Variants in BRD10 observed in about 807,000 individuals in gnomAD.
BRD10 encodes uncharacterized bromodomain-containing protein 10.
chr9:5,979,090 T>C, the BRD10 span, among the ~76,000 whole-genome samples: 1 of 152,224 alleles, frequency 6.6e-6, no homozygotes, highest in Non-Finnish European at 1.5e-5. Context: ...AATCACTTAA[T>C]TATAAAGTCA....
At chr9:5,885,381 C>T in the BRD10 span, among the ~76,000 whole-genome samples, 3 of 147,666 alleles carry the variant, frequency 2.0e-5, no homozygotes, top group Admixed American at 2.0e-4. Flanking sequence ...TATGTTATCT[C>T]TTTTTTTTTT....
chr9:5,964,773 G>C, the BRD10 span, among the ~76,000 whole-genome samples: 202 of 106,674 alleles, frequency 1.9e-3, no homozygotes, highest in South Asian at 2.3e-3. Flanking sequence ...GGATGAAATT[G>C]GAAATCATCA....
the BRD10 span, among the ~76,000 whole-genome samples, chr9:5,943,560 A>G: frequency 6.6e-6 from 1 of 151,422 alleles, no homozygotes; most frequent in Non-Finnish European, 1.5e-5. Context: ...AAAAAAAAAA[A>G]CCCTCTGGCT....
At chr9:5,898,809 T>A in the BRD10 span, 1 of 152,164 alleles carries the variant, frequency 6.6e-6, no homozygotes, top group East Asian at 1.9e-4. Flanking sequence ...ACACTAAGCA[T>A]CCCAGGATAT....
chr9:5,951,708 C>A, the BRD10 span, among the ~76,000 whole-genome samples: 2 of 152,250 alleles, frequency 1.3e-5, no homozygotes, highest in South Asian at 2.1e-4. Context: ...AAGTAACACA[C>A]TACATAAAAT....
At chr9:5,928,656 T>C in the BRD10 span, among the ~76,000 whole-genome samples, 1 of 152,154 alleles carries the variant, frequency 6.6e-6, no homozygotes, top group African/African-American at 2.4e-5. Flanking sequence ...AGAGCTCCCT[T>C]CCTCATTTCT....
chr9:5,921,092 T>C, the BRD10 span: 3 of 1,613,910 alleles, frequency 1.9e-6, no homozygotes, highest in Non-Finnish European at 2.5e-6. Flanking sequence ...AGGGGTAATA[T>C]TCTGACTCAC....
At chr9:5,965,754 AC>A in the BRD10 span, among the ~76,000 whole-genome samples, 1 of 152,206 alleles carries the variant, frequency 6.6e-6, no homozygotes, top group African/African-American at 2.4e-5. Context: ...TATTTTCCAA[AC>A]CTATGATGAT....
At chr9:5,897,364 A>C in the BRD10 span, among the ~76,000 whole-genome samples, 2 of 152,186 alleles carry the variant, frequency 1.3e-5, no homozygotes, top group South Asian at 4.1e-4. Context: ...GAGGCTCCTA[A>C]AGACCTGGGT....
At chr9:5,899,195 CA>C in the BRD10 span, 2 of 152,078 alleles carry the variant, frequency 1.3e-5, no homozygotes, top group African/African-American at 4.8e-5. Flanking sequence ...AGTATCTTTC[CA>C]AAAGATGTTG....
chr9:5,990,420 A>C, the BRD10 span, among the ~76,000 whole-genome samples: 1 of 152,340 alleles, frequency 6.6e-6, no homozygotes, highest in South Asian at 2.1e-4. Flanking sequence ...AAAATTCAGT[A>C]AGTACACAGA....
the BRD10 span, among the ~76,000 whole-genome samples, chr9:5,978,396 A>C: frequency 6.6e-6 from 1 of 151,520 alleles, no homozygotes; most frequent in Non-Finnish European, 1.5e-5. Context: ...ATTTAGTAAA[A>C]AAAAAAAAAA....
the BRD10 span, among the ~76,000 whole-genome samples, chr9:5,958,963 T>C: frequency 3.9e-5 from 6 of 152,194 alleles, no homozygotes; most frequent in Non-Finnish European, 7.4e-5. Context: ...AGTAAGCAAT[T>C]TGACCTTAAC....
chr9:5,918,051 T>C, the BRD10 span, among the ~76,000 whole-genome samples: 3 of 152,224 alleles, frequency 2.0e-5, no homozygotes, highest in Admixed American at 1.3e-4. Context: ...CAATGCGCAA[T>C]GCAATGCACT....
the BRD10 span, among the ~76,000 whole-genome samples, chr9:5,960,427 T>C: frequency 6.6e-6 from 1 of 152,168 alleles, no homozygotes; most frequent in East Asian, 1.9e-4. Flanking sequence ...CCGGACATGG[T>C]GGCACATGCC....
chr9:5,880,052 T>C, the BRD10 span, among the ~76,000 whole-genome samples: 1 of 151,388 alleles, frequency 6.6e-6, no homozygotes, highest in Non-Finnish European at 1.5e-5. Context: ...CCCAAGTAGC[T>C]GGGATTACAG....
the BRD10 span, among the ~76,000 whole-genome samples, chr9:5,935,687 G>A: frequency 6.6e-6 from 1 of 152,132 alleles, no homozygotes; most frequent in Non-Finnish European, 1.5e-5. Context: ...ATGTTTATTT[G>A]GCATAAGAGG....
At chr9:5,987,153 C>G in the BRD10 span, among the ~76,000 whole-genome samples, 2,662 of 152,102 alleles carry the variant, frequency 0.018, 32 homozygotes, top group Non-Finnish European at 0.028. Flanking sequence ...TACTCACGCT[C>G]AATAAACATT....
At chr9:5,932,140 C>T in the BRD10 span, among the ~76,000 whole-genome samples, 2 of 151,950 alleles carry the variant, frequency 1.3e-5, no homozygotes, top group African/African-American at 4.8e-5. Context: ...TATCTTGGGT[C>T]TAATATAAAA....
Sources: gnomAD v4.1 joint callset for allele counts (sites outside exome capture counted in the v4.1 genomes callset) on GRCh38, gnomAD v4.1.1 for gene constraint, MANE v1.5 for transcripts, NCBI Gene and HGNC (gene_info 2026-07-23, HGNC 2026-07-21) for gene names.